Variants in TRPM7 observed in about 807,000 individuals in gnomAD.
The protein encoded by TRPM7 is transient receptor potential cation channel subfamily M member 7.
A neutral mutation model predicts 229.7 loss-of-function variants in TRPM7; 134 were observed. The ratio of observed to expected loss-of-function variants is 0.58; its 90% CI spans 0.51 to 0.67. The LOEUF is 0.67. Ranked by LOEUF, TRPM7 falls within the 30% of genes least tolerant of loss-of-function variation. TRPM7 has a pLI of 0.00. For missense variants in TRPM7, 1,901 were observed against 2,210.0 expected (o/e 0.86, Z 2.80); for synonymous variants, 699 against 715.2 (o/e 0.98, Z 0.36).
At chr15:50,603,501 C>G (rs1291658993) in intron 21 of TRPM7, among the ~76,000 whole-genome samples, 1 of 151,470 alleles carries the variant, frequency 6.6e-6, no homozygotes, top group African/African-American at 2.4e-5. Context: ...TTCCCCATTC[C>G]CCACCGTGTG....
In TRPM7 at chr15:50,575,794, A is replaced by T; in HGVS notation, c.4670-5T>A. 1 of 1,613,534 alleles carries T rather than the reference A, an allele frequency of 6.2e-7. No individual in the cohort carries two copies. The highest frequency in any genetic ancestry group is 8.5e-7 in the Non-Finnish European group (1 of 1,179,722). ...TCAAGTTATTTCTTTCCACAGCTGC[A>T]TAAAAATGAGAGAGAAATAATTAAA... On this transcript the variant is annotated splice_polypyrimidine_tract_variant and splice_region_variant and intron_variant, in intron 32 of 38. Coordinates refer to ENST00000646667, the MANE Select transcript of TRPM7 (RefSeq NM_017672.6).
intron 5 of TRPM7, among the ~76,000 whole-genome samples, chr15:50,642,223 C>T (rs2061124183): frequency 6.6e-6 from 1 of 152,124 alleles, no homozygotes; most frequent in African/African-American, 2.4e-5. Flanking sequence ...CAATTTACCA[C>T]TAGAAGGAAA....
intron 3 of TRPM7, among the ~76,000 whole-genome samples, chr15:50,657,482 G>A (rs932635132): frequency 2.0e-5 from 3 of 152,136 alleles, no homozygotes; most frequent in Non-Finnish European, 1.5e-5. Flanking sequence ...ACATTCTGCA[G>A]TTTCCTGACA....
chr15:50,607,196 A>G lies in TRPM7; in HGVS notation c.2709+4T>C, dbSNP rs1310563769. 1 of 1,598,332 alleles carries G rather than the reference A, an allele frequency of 6.3e-7. No individual in the cohort carries two copies. The highest frequency in any genetic ancestry group is 1.3e-5 in the African/African-American group (1 of 74,112). On this transcript the variant is annotated splice_donor_region_variant and intron_variant, in intron 20 of 38. Transcript: ENST00000646667. Reference sequence around the variant, plus strand: ...TTATTGGTAGAAAAAAACTAAAGACATACCTCACGGACTTTCTCAATGGCA... The same window carrying G: ...TTATTGGTAGAAAAAAACTAAAGACGTACCTCACGGACTTTCTCAATGGCA...
Position 50,631,445 on chromosome 15 carries a change from A to C in TRPM7, c.1176T>G (p.Asp392Glu). The C allele has an allele frequency of 6.2e-7, 1 of 1,610,840 alleles. No homozygotes were observed. The highest frequency in any genetic ancestry group is 8.5e-7 in the Non-Finnish European group (1 of 1,177,716). ...HIGSDEHQDI[D>E]VAILTALLKG... ...TTAGCAGTGCAGTAAGTATTGCTAC[A>C]TCTATATCTTGATGTTCATCTGACC... Residue 392 changes from aspartate (D) to glutamate (E), a missense_variant, in exon 10 of 39, where the codon GAT (aspartate) becomes GAG (glutamate). Asp to Glu is a conservative substitution (Grantham distance 45). Transcript: ENST00000646667.
intron 1 of TRPM7, among the ~76,000 whole-genome samples, chr15:50,673,559 A>G (rs754420082): frequency 4.6e-5 from 7 of 152,108 alleles, no homozygotes; most frequent in Non-Finnish European, 1.0e-4. Flanking sequence ...CTTAGAATTA[A>G]GAGTCTCCAA....
At chr15:50,686,453 C>T in intron 1 of TRPM7, 78 bp downstream of exon 1, 1 of 1,612,420 alleles carries the variant, frequency 6.2e-7, no homozygotes, top group Non-Finnish European at 8.5e-7. Flanking sequence ...GCTCCCCACA[C>T]ACTTGCCTGC....
intron 3 of TRPM7, among the ~76,000 whole-genome samples, chr15:50,653,864 G>T (rs1418280200): frequency 6.6e-6 from 1 of 152,116 alleles, no homozygotes; most frequent in Non-Finnish European, 1.5e-5. Context: ...CTGTGTGTGG[G>T]TCTGTGAACG....
intron 20 of TRPM7, among the ~76,000 whole-genome samples, chr15:50,605,810 A>G (rs1376801843): frequency 3.9e-5 from 6 of 152,230 alleles, no homozygotes; most frequent in Non-Finnish European, 2.9e-5. Context: ...ATCATTTAAC[A>G]AATCAATTTC....
intron 28 of TRPM7, 69 bp downstream of exon 28, chr15:50,586,323 A>G (rs2059341709): frequency 9.2e-7 from 1 of 1,089,774 alleles, no homozygotes; most frequent in East Asian, 2.5e-5. Flanking sequence ...GTGTTTGACA[A>G]ACATAAAATA....
intron 27 of TRPM7, 129 bp from the exon 28 acceptor site, chr15:50,586,617 G>A (rs1439608220): frequency 3.6e-6 from 2 of 558,340 alleles, no homozygotes; most frequent in South Asian, 2.5e-5. Flanking sequence ...ACACCAATGG[G>A]TGTATTATAG....
intron 38 of TRPM7, among the ~76,000 whole-genome samples, chr15:50,568,467 C>T (rs2053718072): frequency 6.6e-6 from 1 of 152,054 alleles, no homozygotes; most frequent in South Asian, 2.1e-4. Context: ...TTTCTGTATA[C>T]CAGCAATAAT....
chr15:50,617,845 A>G (rs1327889283), intron 13 of TRPM7, among the ~76,000 whole-genome samples: 1 of 151,728 alleles, frequency 6.6e-6, no homozygotes, highest in Non-Finnish European at 1.5e-5. Context: ...TTTTGTAGAG[A>G]AAAGGTCTCG....
At position 50,675,347 on chromosome 15, in the gene TRPM7, A is replaced by G. The variant is rs556586042; in HGVS notation, c.3+11184T>C. On this transcript the variant is annotated intron_variant, in intron 1 of 38. Transcript: ENST00000646667. ...GACAAGAGCAAAATTCCATTTCAAAAAAAAAAAAAGAAAATCTCCTACAGC... is the reference window on the plus strand; with the variant it reads ...GACAAGAGCAAAATTCCATTTCAAAGAAAAAAAAAGAAAATCTCCTACAGC... Among the ~76,000 whole-genome samples, 3 of 152,214 alleles carry G rather than the reference A, an allele frequency of 2.0e-5. No individual in the cohort carries two copies. In the South Asian group the frequency reaches 6.2e-4, roughly 32 times the overall value.
At chr15:50,580,961 T>C (rs1566950789) in intron 29 of TRPM7, 53 bp from the exon 30 acceptor site, 1 of 1,538,896 alleles carries the variant, frequency 6.5e-7, no homozygotes, top group Non-Finnish European at 8.7e-7. Context: ...CAAAAATCTC[T>C]AGATGAAGCA....
At chr15:50,637,646 G>A in intron 6 of TRPM7, 53 bp from the exon 7 acceptor site, 1 of 1,449,870 alleles carries the variant, frequency 6.9e-7, no homozygotes, top group East Asian at 2.4e-5. Context: ...ACAGTATGAT[G>A]TAAAATAAAT....
rs770110144 is a variant in TRPM7 at position 50,613,715 on chromosome 15, G to T, written c.1762C>A (p.Arg588=). 33 of 1,577,546 alleles carry T rather than the reference G, an allele frequency of 2.1e-5. No homozygotes were observed. Among genetic ancestry groups the T allele is most frequent in the Non-Finnish European group, 2.8e-5 (33 of 1,166,158 alleles). The part of the protein sequence containing the change: ...NHFIKTAQPY[R]PKIDTVMEEG... ...TATTTAAATAAATTTACCTTTGGTCGGTAGGGCTGTGCTGTCTTAATGAAA... is the reference window on the plus strand; with the variant it reads ...TATTTAAATAAATTTACCTTTGGTCTGTAGGGCTGTGCTGTCTTAATGAAA... Residue 588 remains arginine (R), a synonymous_variant, in exon 15 of 39, where the codon CGA becomes AGA. Transcript: ENST00000646667.
At chr15:50,644,347 T>C (rs2061195728) in intron 4 of TRPM7, among the ~76,000 whole-genome samples, 1 of 152,372 alleles carries the variant, frequency 6.6e-6, no homozygotes. Context: ...TTCATTCTCT[T>C]GGCCTAAAGC....
Position 50,604,904 on chromosome 15 carries a change from G to A in TRPM7, c.2950C>T (p.Gln984Ter). The change falls in exon 21 of 39, where the codon CAA becomes TAA. Residue 984 changes from glutamine (Q) to a stop codon, truncating the protein, a stop_gained. Coordinates refer to ENST00000646667, the MANE Select transcript of TRPM7 (RefSeq NM_017672.6). LOFTEE classifies it high-confidence loss of function. ...VRLLDFLAVN[Q>*]QAGPYVMMIG... is the part of the protein sequence containing the mutation. ...ATCATTACATAAGGTCCTGCCTGTT[G>A]ATTTACAGCTAGAAAATCTAGCAAA... 6.2e-7 allele frequency: 1 copy of A among 1,610,778 alleles called. No homozygotes were observed. Among genetic ancestry groups the A allele is most frequent in the Non-Finnish European group, 8.5e-7 (1 of 1,178,292 alleles).
Sources: gnomAD v4.1 joint callset for allele counts (sites outside exome capture counted in the v4.1 genomes callset) on GRCh38, gnomAD v4.1.1 for gene constraint, MANE v1.5 for transcripts, NCBI Gene and HGNC (gene_info 2026-07-23, HGNC 2026-07-21) for gene names.